Variants in ALDH1L1 observed in about 807,000 individuals in gnomAD.
ALDH1L1 encodes the protein cytosolic 10-formyltetrahydrofolate dehydrogenase.
A neutral mutation model predicts 101.1 loss-of-function variants in ALDH1L1; 68 were observed. That is an observed-to-expected ratio of 0.67 (90% CI 0.55 to 0.82). The LOEUF (loss-of-function observed/expected upper bound fraction) is 0.82, where lower values mean the gene tolerates loss of function less well. ALDH1L1 is among the 40% of genes least tolerant of loss of function. The pLI, the probability that ALDH1L1 is intolerant of heterozygous loss-of-function variation, is 0.00. For missense variants in ALDH1L1, 1,087 were observed against 1,172.7 expected, an observed-to-expected ratio of 0.93 and a Z score of 1.07; for synonymous variants, 486 against 470.8, an observed-to-expected ratio of 1.03 and a Z score of -0.42.
intron 1 of ALDH1L1, among the ~76,000 whole-genome samples, chr3:126,174,984 G>A (rs1005397158): frequency 1.3e-5 from 2 of 152,018 alleles, no homozygotes; most frequent in Non-Finnish European, 2.9e-5. Context: ...GAATAAAACT[G>A]AGACACCTCT....
At chr3:126,158,280 G>A (rs1382514274) in intron 3 of ALDH1L1, 125 bp downstream of exon 3, 18 of 907,326 alleles carry the variant, frequency 2.0e-5, no homozygotes, top group Middle Eastern at 2.4e-4. Context: ...GCAGCCACAG[G>A]ACAGGCACCT....
chr3:126,138,516 G>T (rs1200691594), intron 9 of ALDH1L1, among the ~76,000 whole-genome samples: 1 of 152,152 alleles, frequency 6.6e-6, no homozygotes, highest in East Asian at 1.9e-4. Flanking sequence ...CGGCAAATAA[G>T]AATATGACAA....
chr3:126,134,749 G>A (rs1490370233), intron 12 of ALDH1L1, among the ~76,000 whole-genome samples: 2 of 152,286 alleles, frequency 1.3e-5, no homozygotes, highest in Non-Finnish European at 2.9e-5. Flanking sequence ...GAGGAGCTTC[G>A]TTGGGACCAC....
intron 9 of ALDH1L1, among the ~76,000 whole-genome samples, chr3:126,143,778 A>G (rs2080617060): frequency 6.6e-6 from 1 of 151,778 alleles, no homozygotes; most frequent in Non-Finnish European, 1.5e-5. Context: ...CTTTGTCTGT[A>G]AAAAAAATTG....
At chr3:126,145,640 C>G (rs1172643444) in intron 9 of ALDH1L1, among the ~76,000 whole-genome samples, 1 of 152,180 alleles carries the variant, frequency 6.6e-6, no homozygotes, top group Non-Finnish European at 1.5e-5. Context: ...CCAAGCTCAT[C>G]AGAGCAAAAA....
In ALDH1L1 at chr3:126,131,370, A is replaced by G. The variant is rs1218941291; in HGVS notation, c.1623+14T>C. ...TCTGCATGTGCTCACACTGGGTGGG[A>G]GCCTGGGCCCCACCTGGATCTTGTC... is the stretch of plus-strand genomic sequence containing the variant. On this transcript the variant is annotated intron_variant, in intron 13 of 22. Transcript: ENST00000393434. 6.3e-7 allele frequency: 1 copy of G among 1,586,852 alleles called. No individual in the cohort carries two copies. Among genetic ancestry groups the G allele is most frequent in the Non-Finnish European group, 8.6e-7 (1 of 1,159,490 alleles).
chr3:126,152,108 A>G (rs991094371), intron 7 of ALDH1L1: 21 of 152,302 alleles, frequency 1.4e-4, no homozygotes, highest in Admixed American at 1.4e-3. Context: ...CTGTGGATGG[A>G]TAAGAGCTCC....
At chr3:126,194,554 G>A (rs148292103) in intron 1 of ALDH1L1, among the ~76,000 whole-genome samples, 4 of 152,268 alleles carry the variant, frequency 2.6e-5, no homozygotes, top group African/African-American at 7.2e-5. Flanking sequence ...GCAGATCAGT[G>A]CTTCAAGAAA....
chr3:126,107,200 C>T lies in ALDH1L1; in HGVS notation c.2394G>A (p.Met798Ile). Residue 798 changes from methionine (M) to isoleucine (I), a missense_variant, in exon 21 of 23, where the codon ATG (methionine) becomes ATA (isoleucine). Around this residue, in one of 2 missense-constraint regions of ALDH1L1, gnomAD observed 442 missense variants for 535.7 expected, o/e 0.83. Transcript: ENST00000393434. ...PTVFTDVEDH[M>I]FIAKEESFGP... Reference sequence around the variant, plus strand: ...CGAAGGACTCCTCCTTGGCTATGAACATGTGGTCTTCCACGTCTGTGAAAA... The same window carrying T: ...CGAAGGACTCCTCCTTGGCTATGAATATGTGGTCTTCCACGTCTGTGAAAA... 1 of 1,614,218 alleles carries T rather than the reference C, an allele frequency of 6.2e-7. No individual in the cohort carries two copies. The highest frequency in any genetic ancestry group is 8.5e-7 in the Non-Finnish European group (1 of 1,180,018).
At chr3:126,108,442 T>C (rs1301422010) in intron 20 of ALDH1L1, among the ~76,000 whole-genome samples, 1 of 152,226 alleles carries the variant, frequency 6.6e-6, no homozygotes, top group Non-Finnish European at 1.5e-5. Flanking sequence ...CTGCTCCTGG[T>C]ACAAGGCCTC....
rs549947857 is a variant in ALDH1L1 at position 126,139,510 on chromosome 3, G to T, written c.1077-1550C>A. Among the ~76,000 whole-genome samples the T allele has an allele frequency of 1.0e-3, 156 of 151,862 alleles. 2 individuals carry two copies. The highest frequency in any genetic ancestry group is 6.8e-3 in the Middle Eastern group (2 of 294). On this transcript the variant is annotated intron_variant, in intron 9 of 22. Coordinates refer to ENST00000393434, the MANE Select transcript of ALDH1L1 (RefSeq NM_012190.4). ...AAGAAAGATCTACAAAACATATGAA[G>T]AAATAGGAAAGAAGAGCCCATTCAC...
intron 8 of ALDH1L1, among the ~76,000 whole-genome samples, chr3:126,149,552 T>C (rs2080766860): frequency 1.3e-5 from 2 of 152,232 alleles, no homozygotes. Context: ...AGGATTTTTT[T>C]TAAACAGACC....
chr3:126,147,399 G>A (rs1307917315), intron 8 of ALDH1L1, among the ~76,000 whole-genome samples: 1 of 152,230 alleles, frequency 6.6e-6, no homozygotes, highest in African/African-American at 2.4e-5. Context: ...TGACTATGAG[G>A]CTCACAGATG....
chr3:126,137,795 G>T lies in ALDH1L1; in HGVS notation c.1224+18C>A. Reference sequence around the variant, plus strand: ...GAGGGCTCTGCAGGGCCTGCTGCAGGGAGGGCCCAGCACTCACGTAGTCAA... The same window carrying T: ...GAGGGCTCTGCAGGGCCTGCTGCAGTGAGGGCCCAGCACTCACGTAGTCAA... On this transcript the variant is annotated intron_variant, in intron 10 of 22. Coordinates refer to ENST00000393434, the MANE Select transcript of ALDH1L1 (RefSeq NM_012190.4). The T allele has an allele frequency of 1.2e-6, 2 of 1,611,376 alleles. No individual in the cohort carries two copies. The highest frequency in any genetic ancestry group is 1.7e-6 in the Non-Finnish European group (2 of 1,178,894).
intron 11 of ALDH1L1, among the ~76,000 whole-genome samples, chr3:126,136,463 G>C (rs2108250811): frequency 6.6e-6 from 1 of 152,258 alleles, no homozygotes; most frequent in South Asian, 2.1e-4. Context: ...CTGCTGAAGT[G>C]TGCAAGTGTG....
intron 1 of ALDH1L1, among the ~76,000 whole-genome samples, chr3:126,172,151 CCAATA>C (rs1276926877): frequency 6.6e-6 from 1 of 152,126 alleles, no homozygotes; most frequent in Non-Finnish European, 1.5e-5. Flanking sequence ...TACCTTTTAC[CCAATA>C]CATTATATCT....
At chr3:126,119,940 A>C (rs556959483) in intron 16 of ALDH1L1, among the ~76,000 whole-genome samples, 1 of 152,382 alleles carries the variant, frequency 6.6e-6, no homozygotes, top group South Asian at 2.1e-4. Context: ...ACCACTGCAC[A>C]GCTACTAAAC....
chr3:126,158,771 T>C, intron 2 of ALDH1L1, 132 bp from the exon 3 acceptor site: 1 of 808,682 alleles, frequency 1.2e-6, no homozygotes. Flanking sequence ...CCAGCCAGGC[T>C]CCACTGGGCA....
In ALDH1L1 at chr3:126,124,416, C is replaced by A. The variant is rs151090203; in HGVS notation, c.1836G>T (p.Leu612=). 1 of 1,612,390 alleles carries A rather than the reference C, an allele frequency of 6.2e-7. No homozygotes were observed. The highest frequency in any genetic ancestry group is 1.3e-5 in the African/African-American group (1 of 74,826). The change falls in exon 16 of 23, where the codon CTG becomes CTT. Residue 612 remains leucine (L), a synonymous_variant. Coordinates refer to ENST00000393434, the MANE Select transcript of ALDH1L1 (RefSeq NM_012190.4). ...TPLTALKFAE[L]TLKAGIPKGV... ...CTTTGGGAATGCCGGCCTTTAATGT[C>A]AGCTCTGCAAACTTCAAGGCTGTGA...
Sources: gnomAD v4.1 joint callset for allele counts (sites outside exome capture counted in the v4.1 genomes callset) on GRCh38, gnomAD v4.1.1 for gene constraint, gnomAD v4.1.1 regional missense constraint, MANE v1.5 for transcripts, NCBI Gene and HGNC (gene_info 2026-07-23, HGNC 2026-07-21) for gene names.